Variants in SBSPON observed in about 807,000 individuals in gnomAD.
SBSPON encodes the protein somatomedin-B and thrombospondin type-1 domain-containing protein.
In SBSPON, 30 loss-of-function variants were observed where a neutral mutation model predicts 35.8. The observed-to-expected ratio is 0.84, with a 90% CI of 0.63 to 1.14. The LOEUF (loss-of-function observed/expected upper bound fraction) is 1.14, where lower values mean the gene tolerates loss of function less well. Ranked by LOEUF, SBSPON falls within the 50% of genes most tolerant of loss-of-function variation. The pLI, the probability that SBSPON is intolerant of heterozygous loss-of-function variation, is 0.00. For missense variants in SBSPON, 364 were observed against 357.7 expected (o/e 1.02, Z -0.14); for synonymous variants, 136 against 135.9 (o/e 1.00, Z 0.00).
chr8:73,091,962 T>C (rs571180752), intron 1 of SBSPON, among the ~76,000 whole-genome samples: 24 of 152,240 alleles, frequency 1.6e-4, no homozygotes, highest in African/African-American at 5.5e-4. Context: ...TCTGTGTGGC[T>C]TTGGGGATGA....
At chr8:73,070,428 G>C (rs915303100) in intron 3 of SBSPON, among the ~76,000 whole-genome samples, 2 of 152,126 alleles carry the variant, frequency 1.3e-5, no homozygotes, top group Non-Finnish European at 2.9e-5. Flanking sequence ...TTAACACCTA[G>C]GTCAGCACCT....
At chr8:73,081,458 G>A (rs897764156) in intron 1 of SBSPON, among the ~76,000 whole-genome samples, 1 of 152,166 alleles carries the variant, frequency 6.6e-6, no homozygotes, top group African/African-American at 2.4e-5. Flanking sequence ...GATCCTAAAT[G>A]TGGGTCTGAT....
intron 3 of SBSPON, among the ~76,000 whole-genome samples, chr8:73,070,359 G>C (rs1810471493): frequency 6.6e-6 from 1 of 152,182 alleles, no homozygotes; most frequent in South Asian, 2.1e-4. Flanking sequence ...TCTATAAATT[G>C]AACAAGCACT....
rs144635094 is a variant in SBSPON, at chr8:73,068,762, T to A, written c.677+1043A>T. Among the ~76,000 whole-genome samples the A allele has an allele frequency of 7.8e-3, 1,195 of 152,282 alleles. 8 individuals carry two copies. Among genetic ancestry groups the A allele is most frequent in the Non-Finnish European group, 0.011 (725 of 68,024 alleles). ...CTGAAACTTCATCGTGGGTATGAAT[T>A]ACCTGGGCAGGGGTCCCCAAACTAG... is the stretch of plus-strand genomic sequence containing the variant. On this transcript the variant is annotated intron_variant, in intron 4 of 4. Transcript: ENST00000297354.
At chr8:73,070,594 GACAC>G (rs796195546) in intron 3 of SBSPON, among the ~76,000 whole-genome samples, 3 of 152,316 alleles carry the variant, frequency 2.0e-5, no homozygotes, top group Admixed American at 6.5e-5. Flanking sequence ...GGGAGGCTGA[GACAC>G]ACTTTTCTGA....
chr8:73,082,713 G>A (rs1810733445), intron 1 of SBSPON, among the ~76,000 whole-genome samples: 1 of 152,064 alleles, frequency 6.6e-6, no homozygotes, highest in South Asian at 2.1e-4. Flanking sequence ...GCTCTTGTTA[G>A]CCCTTCCCTT....
intron 1 of SBSPON, among the ~76,000 whole-genome samples, chr8:73,084,741 A>G (rs1810787032): frequency 7.5e-6 from 1 of 133,412 alleles, no homozygotes; most frequent in Non-Finnish European, 1.6e-5. Flanking sequence ...GCCTAGCCCC[A>G]CTACACAGAC....
intron 2 of SBSPON, among the ~76,000 whole-genome samples, chr8:73,073,740 G>T (rs904629550): frequency 6.0e-5 from 9 of 149,956 alleles, no homozygotes; most frequent in African/African-American, 2.0e-4. Flanking sequence ...GGAGGTGGGG[G>T]CTGCAGTGAG....
In SBSPON at chr8:73,069,840, GC is replaced by G; in HGVS notation, c.641del (p.Ser214ThrfsTer37). 1.2e-6 allele frequency: 2 copies of G among 1,614,074 alleles called. No individual in the cohort carries two copies. Among genetic ancestry groups the G allele is most frequent in the East Asian group, 4.5e-5 (2 of 44,878 alleles). On this transcript the variant is annotated frameshift_variant, in exon 4 of 5. Coordinates refer to ENST00000297354, the MANE Select transcript of SBSPON (RefSeq NM_153225.4). LOFTEE classifies it high-confidence loss of function. ...DCQPPAMNSV[S>X]LRCSGDGLDS... ...CCAGGCCATCTCCAGAACAACGAAG[GC>G]TCACAGAGTTCATAGCTGGAGGCTG...
intron 2 of SBSPON, among the ~76,000 whole-genome samples, chr8:73,074,947 C>T (rs923179752): frequency 6.6e-6 from 1 of 152,174 alleles, no homozygotes; most frequent in African/African-American, 2.4e-5. Context: ...CTGAGGCTCA[C>T]CGAGGTTAAA....
At chr8:73,071,579 G>A (rs186391195) in intron 3 of SBSPON, among the ~76,000 whole-genome samples, 16 of 152,242 alleles carry the variant, frequency 1.1e-4, no homozygotes, top group Non-Finnish European at 1.6e-4. Context: ...TTGGACCTAA[G>A]AGGTAGATAT....
chr8:73,092,818 A>G, intron 1 of SBSPON, 36 bp downstream of exon 1: 2 of 1,548,610 alleles, frequency 1.3e-6, no homozygotes, highest in South Asian at 2.3e-5. Context: ...GTTGCAGGCT[A>G]ACGGCCGGCG....
At position 73,069,807 on chromosome 8, in the gene SBSPON, A is replaced by T; in HGVS notation, c.675T>A (p.Asp225Glu). ...CTTCAGTTAATTTCCATTCTTACCC[A>T]TCGGAGTCCAGGCCATCTCCAGAAC... ...LRCSGDGLDS[D>E]GNQTLHWQAI... Residue 225 changes from aspartate (D) to glutamate (E), a missense_variant and splice_region_variant, in exon 4 of 5, where the codon GAT becomes GAA. Asp to Glu is a conservative substitution (Grantham distance 45). Transcript: ENST00000297354. The T allele has an allele frequency of 6.2e-7, 1 of 1,612,958 alleles. No homozygotes were observed. The highest frequency in any genetic ancestry group is 2.2e-5 in the East Asian group (1 of 44,874).
At chr8:73,092,146 A>G (rs1810946616) in intron 1 of SBSPON, among the ~76,000 whole-genome samples, 1 of 152,224 alleles carries the variant, frequency 6.6e-6, no homozygotes. Context: ...GGAAATTTAA[A>G]GTTGAAAAAG....
At chr8:73,092,800 G>T in intron 1 of SBSPON, 54 bp downstream of exon 1, 2 of 1,425,404 alleles carry the variant, frequency 1.4e-6, no homozygotes, top group Non-Finnish European at 2.0e-6. Flanking sequence ...CCTGCCCTGT[G>T]CCCGTTGGTT....
At chr8:73,082,341 A>G (rs1189414139) in intron 1 of SBSPON, among the ~76,000 whole-genome samples, 4 of 152,174 alleles carry the variant, frequency 2.6e-5, no homozygotes, top group African/African-American at 9.7e-5. Flanking sequence ...TTGAAGTGTG[A>G]TCCGCTTTCC....
chr8:73,081,194 C>T lies in SBSPON; in HGVS notation c.234G>A (p.Gly78=). The change falls in exon 2 of 5, where the codon GGG becomes GGA. Residue 78 remains glycine (G), a synonymous_variant. Transcript: ENST00000297354. The stretch of plus-strand genomic sequence containing the variant: ...CACAACCACTCCAGGGGCTCCATTC[C>T]CCCACGAAGCACGGGCGAGCTGAAA... ...RACPARPCFV[G]EWSPWSGCAD... is the part of the protein sequence containing the mutation. 3.1e-6 allele frequency: 5 copies of T among 1,588,494 alleles called. No individual in the cohort carries two copies. The highest frequency in any genetic ancestry group is 3.4e-6 in the Non-Finnish European group (4 of 1,165,750).
chr8:73,086,671 T>A (rs1810831778), intron 1 of SBSPON, among the ~76,000 whole-genome samples: 1 of 81,378 alleles, frequency 1.2e-5, no homozygotes, highest in Non-Finnish European at 2.5e-5. Flanking sequence ...AGACATTTAC[T>A]GGCTAGTTCC....
In SBSPON at chr8:73,092,966, G is replaced by A. The variant is rs756565755; in HGVS notation, c.102C>T (p.Pro34=). The A allele has an allele frequency of 3.1e-6, 5 of 1,597,564 alleles. No homozygotes were observed. Among genetic ancestry groups the A allele is most frequent in the African/African-American group, 1.4e-5 (1 of 73,514 alleles). ...EAGRCCPGRD[P]ACFARGWRLD... ...GCCTCCAGCCGCGGGCGAAGCAGGC[G>A]GGGTCCCGGCCGGGACAGCAGCGCC... Residue 34 remains proline, a synonymous_variant, in exon 1 of 5, where the codon CCC becomes CCT. Transcript: ENST00000297354.
Sources: allele counts gnomAD v4.1 joint callset (sites outside exome capture counted in the v4.1 genomes callset), GRCh38; gene constraint gnomAD v4.1.1; transcripts MANE v1.5; gene names NCBI Gene and HGNC (gene_info 2026-07-23, HGNC 2026-07-21).